The following CSMD3 variants were observed in gnomAD, a reference collection of about 807,000 sequenced individuals.
CSMD3 encodes the protein CUB and sushi domain-containing protein 3.
In CSMD3, 177 loss-of-function variants were observed where a neutral mutation model predicts 435.2. The ratio of observed to expected loss-of-function variants is 0.41; its 90% CI spans 0.36 to 0.46. CSMD3 has a LOEUF of 0.46. Among genes scored for constraint, CSMD3 ranks in the 20% least tolerant of loss-of-function variants. The pLI is 0.34. For missense variants in CSMD3, 4,265 were observed against 4,504.6 expected, an observed-to-expected ratio of 0.95 and a Z score of 1.52; for synonymous variants, 1,656 against 1,520.5, an observed-to-expected ratio of 1.09 and a Z score of -2.07.
chr8:112,452,727 A>G (rs1563553880), intron 32 of CSMD3, among the ~76,000 whole-genome samples: 4 of 152,078 alleles, frequency 2.6e-5, no homozygotes, highest in African/African-American at 7.2e-5. Flanking sequence ...TAAATAATGC[A>G]TTTTTTCTTT....
intron 38 of CSMD3, 106 bp downstream of exon 38, chr8:112,380,246 T>C (rs1483964301): frequency 1.6e-6 from 1 of 617,370 alleles, no homozygotes; most frequent in East Asian, 2.9e-5. Context: ...TAAGACAATG[T>C]TTTCTTTGAG....
intron 11 of CSMD3, among the ~76,000 whole-genome samples, chr8:112,849,269 T>A (rs1263377574): frequency 6.6e-6 from 1 of 152,054 alleles, no homozygotes; most frequent in Non-Finnish European, 1.5e-5. Flanking sequence ...TTTGCTGACA[T>A]CCTGGAGTCA....
chr8:112,232,665 T>C (rs1031995414), intron 68 of CSMD3, among the ~76,000 whole-genome samples: 1 of 152,224 alleles, frequency 6.6e-6, no homozygotes, highest in African/African-American at 2.4e-5. Flanking sequence ...TATGTGCACA[T>C]ATATTAAAAA....
At chr8:112,924,896 G>A (rs1408310394) in intron 9 of CSMD3, among the ~76,000 whole-genome samples, 2 of 152,086 alleles carry the variant, frequency 1.3e-5, no homozygotes. Context: ...AAACTACACA[G>A]TGTCTATCAC....
At chr8:113,229,313 T>G (rs2093060217) in intron 3 of CSMD3, among the ~76,000 whole-genome samples, 1 of 151,646 alleles carries the variant, frequency 6.6e-6, no homozygotes, top group African/African-American at 2.4e-5. Flanking sequence ...TGAAGGGATA[T>G]TTCTTGTTGG....
At chr8:112,465,358 T>C (rs1220585665) in intron 32 of CSMD3, among the ~76,000 whole-genome samples, 1 of 152,168 alleles carries the variant, frequency 6.6e-6, no homozygotes, top group Non-Finnish European at 1.5e-5. Context: ...TAGTGCCTGT[T>C]TTAACAGCCT....
At chr8:112,630,344 T>TTA (rs1285086725) in intron 22 of CSMD3, among the ~76,000 whole-genome samples, 1 of 152,062 alleles carries the variant, frequency 6.6e-6, no homozygotes, top group Non-Finnish European at 1.5e-5. Context: ...CACAATGAGA[T>TTA]TATATATATA....
chr8:112,547,086 C>T (rs970755254), intron 27 of CSMD3, among the ~76,000 whole-genome samples: 1 of 151,974 alleles, frequency 6.6e-6, no homozygotes, highest in African/African-American at 2.4e-5. Flanking sequence ...TTGTACTAAT[C>T]GGGGAAGGGG....
At chr8:112,768,682 G>A (rs1327128150) in intron 13 of CSMD3, among the ~76,000 whole-genome samples, 3 of 151,788 alleles carry the variant, frequency 2.0e-5, no homozygotes, top group Non-Finnish European at 4.4e-5. Flanking sequence ...ACATCAACAT[G>A]AGAACTTGCT....
chr8:113,139,463 C>T lies in CSMD3; in HGVS notation c.709+34259G>A, dbSNP rs370482871. 9.3e-5 allele frequency among the ~76,000 whole-genome samples: 14 copies of T among 150,740 alleles called. No individual in the cohort carries two copies. The East Asian group carries it at 1.4e-3, about 15-fold the overall frequency. ...CAATTCAGCTGAACTGCTAAAATGA[C>T]GGCACCATTTTACATGTATTTATAT... On this transcript the variant is annotated intron_variant, in intron 4 of 70. Transcript: ENST00000297405.
At chr8:112,639,430 T>G (rs575877303) in intron 20 of CSMD3, among the ~76,000 whole-genome samples, 3 of 152,298 alleles carry the variant, frequency 2.0e-5, no homozygotes, top group African/African-American at 7.2e-5. Flanking sequence ...TTGTCACACA[T>G]TTCAACCTGT....
intron 4 of CSMD3, among the ~76,000 whole-genome samples, chr8:113,111,991 T>C (rs2090656561): frequency 6.6e-6 from 1 of 151,472 alleles, no homozygotes; most frequent in Non-Finnish European, 1.5e-5. Context: ...GTGTTGCTCT[T>C]TTTAAAGTAC....
In CSMD3 at chr8:112,336,659, T is replaced by C. The variant is rs150243254; in HGVS notation, c.7012A>G (p.Thr2338Ala). 9 of 1,606,096 alleles carry C rather than the reference T, an allele frequency of 5.6e-6. No individual in the cohort carries two copies. In the African/African-American group the frequency reaches 1.2e-4, roughly 21 times the overall value. Residue 2338 changes from threonine (T) to alanine (A), a missense_variant, in exon 44 of 71, where the codon ACT becomes GCT. Transcript: ENST00000297405. ...ACAATAGTCCTGACTTACCATACAG[T>C]AATGAAATCATATATTGGTTCTGTT... ...LQTEPIYDFI[T>A]VWDGPDQNSP...
intron 13 of CSMD3, among the ~76,000 whole-genome samples, chr8:112,782,135 C>T (rs1280186040): frequency 6.6e-6 from 1 of 151,942 alleles, no homozygotes; most frequent in Non-Finnish European, 1.5e-5. Flanking sequence ...GAAAGATATT[C>T]AAACAAAGAA....
intron 59 of CSMD3, among the ~76,000 whole-genome samples, chr8:112,266,040 C>A (rs1816913891): frequency 6.6e-6 from 1 of 152,176 alleles, no homozygotes; most frequent in South Asian, 2.1e-4. Flanking sequence ...GAAAGACAAC[C>A]CCCAAGAAAT....
chr8:112,532,733 T>A (rs746173866), intron 27 of CSMD3, among the ~76,000 whole-genome samples: 1 of 152,102 alleles, frequency 6.6e-6, no homozygotes, highest in Non-Finnish European at 1.5e-5. Context: ...GATGTTAATA[T>A]ACAGCAAGAA....
At chr8:112,821,940 G>T (rs542239836) in intron 12 of CSMD3, among the ~76,000 whole-genome samples, 46 of 152,154 alleles carry the variant, frequency 3.0e-4, no homozygotes, top group South Asian at 6.2e-4. Flanking sequence ...TGTTAGGTTT[G>T]TTGAAGATCA....
chr8:112,659,821 T>A (rs1461715647), intron 17 of CSMD3, among the ~76,000 whole-genome samples: 1 of 152,172 alleles, frequency 6.6e-6, no homozygotes, highest in Non-Finnish European at 1.5e-5. Flanking sequence ...GAAATCATAT[T>A]TCTTGTAGTT....
chr8:112,288,240 G>T, intron 57 of CSMD3, among the ~76,000 whole-genome samples: 1 of 106,600 alleles, frequency 9.4e-6, no homozygotes, highest in Non-Finnish European at 1.7e-5. Flanking sequence ...TTTAGTAGCA[G>T]TTTCCTAATT....
Sources: allele counts gnomAD v4.1 joint callset (sites outside exome capture counted in the v4.1 genomes callset), GRCh38; gene constraint gnomAD v4.1.1; transcripts MANE v1.5; gene names NCBI Gene and HGNC (gene_info 2026-07-23, HGNC 2026-07-21).